PTPRM: variants seen among roughly 807,000 people sequenced by gnomAD.
PTPRM encodes receptor-type tyrosine-protein phosphatase mu.
A neutral mutation model predicts 186.7 loss-of-function variants in PTPRM; 47 were observed. The observed-to-expected ratio is 0.25, with a 90% CI of 0.20 to 0.32. The LOEUF is 0.32. Ranked by LOEUF, PTPRM falls within the 10% of genes least tolerant of loss-of-function variation. PTPRM has a pLI of 1.00. For synonymous variants in PTPRM, 668 were observed against 674.9 expected (o/e 0.99, Z 0.16); for missense variants, 1,494 against 1,865.0 (o/e 0.80, Z 3.66).
intron 4 of PTPRM, among the ~76,000 whole-genome samples, chr18:7,911,152 C>A (rs953756038): frequency 1.3e-5 from 2 of 152,180 alleles, no homozygotes; most frequent in Non-Finnish European, 2.9e-5. Context: ...CATGGATATA[C>A]CACATTTTAT....
chr18:7,711,491 C>T (rs2040212609), intron 1 of PTPRM, among the ~76,000 whole-genome samples: 1 of 152,152 alleles, frequency 6.6e-6, no homozygotes, highest in Non-Finnish European at 1.5e-5. Flanking sequence ...GAACCATTCA[C>T]TCCCCTGGAA....
chr18:8,300,081 A>C (rs969434971), intron 20 of PTPRM, among the ~76,000 whole-genome samples: 1 of 152,164 alleles, frequency 6.6e-6, no homozygotes, highest in Non-Finnish European at 1.5e-5. Context: ...TCTACCTCCT[A>C]CCACCATGAA....
chr18:7,965,440 T>G (rs2053970705), intron 7 of PTPRM, among the ~76,000 whole-genome samples: 1 of 152,150 alleles, frequency 6.6e-6, no homozygotes, highest in African/African-American at 2.4e-5. Flanking sequence ...GACATGTTTC[T>G]CTTTTGCTCA....
intron 2 of PTPRM, among the ~76,000 whole-genome samples, chr18:7,859,467 G>A (rs2047246668): frequency 1.3e-5 from 2 of 152,204 alleles, no homozygotes; most frequent in African/African-American, 2.4e-5. Flanking sequence ...CAACTCTGAT[G>A]TCACTTGTGA....
chr18:7,852,932 T>C (rs1476828573), intron 2 of PTPRM, among the ~76,000 whole-genome samples: 1 of 152,192 alleles, frequency 6.6e-6, no homozygotes, highest in African/African-American at 2.4e-5. Context: ...CTGACATAGC[T>C]GAACTAAACT....
At chr18:7,796,259 G>A (rs998322821) in intron 2 of PTPRM, among the ~76,000 whole-genome samples, 2 of 151,988 alleles carry the variant, frequency 1.3e-5, no homozygotes, top group African/African-American at 4.8e-5. Context: ...CCTGTGGATG[G>A]CAGGTGCCCC....
At chr18:7,690,315 TA>T (rs1461571846) in intron 1 of PTPRM, among the ~76,000 whole-genome samples, 1 of 152,238 alleles carries the variant, frequency 6.6e-6, no homozygotes, top group Non-Finnish European at 1.5e-5. Flanking sequence ...ATGGTTTTCT[TA>T]AAAGAAATTG....
chr18:7,616,244 C>T (rs1291327932), intron 1 of PTPRM, among the ~76,000 whole-genome samples: 27 of 152,100 alleles, frequency 1.8e-4, no homozygotes, highest in Non-Finnish European at 2.9e-5. Context: ...GCGGCCTTGA[C>T]CTCTTGGTCA....
In PTPRM at chr18:7,894,606, TA is replaced by T. The variant is rs1244303078; in HGVS notation, c.468+6230del. On this transcript the variant is annotated intron_variant, in intron 3 of 32. Transcript: ENST00000580170. ...GTCTCAGGAAAAATATATATATATA[TA>T]TATTTTTTAATATTTTTTTTCCAGT... Among the ~76,000 whole-genome samples the T allele has an allele frequency of 1.3e-3, 188 of 149,370 alleles. 1 individual carries two copies. The highest frequency in any genetic ancestry group is 1.6e-3 in the Non-Finnish European group (110 of 67,502).
At chr18:7,903,439 G>T (rs1375396819) in intron 3 of PTPRM, among the ~76,000 whole-genome samples, 1 of 152,200 alleles carries the variant, frequency 6.6e-6, no homozygotes, top group Non-Finnish European at 1.5e-5. Flanking sequence ...GCTGTTTCCT[G>T]GGAGGCAGGA....
chr18:7,915,698 G>T (rs953016238), intron 4 of PTPRM, among the ~76,000 whole-genome samples: 1 of 152,132 alleles, frequency 6.6e-6, no homozygotes, highest in African/African-American at 2.4e-5. Flanking sequence ...GAAGATTTAG[G>T]TTTAAGAATT....
intron 20 of PTPRM, among the ~76,000 whole-genome samples, chr18:8,303,661 C>T (rs1447318799): frequency 2.0e-5 from 3 of 152,158 alleles, no homozygotes. Context: ...AGAGCTCTGA[C>T]ACAGGGATTA....
intron 7 of PTPRM, among the ~76,000 whole-genome samples, chr18:7,976,162 C>T (rs985611469): frequency 2.3e-4 from 35 of 151,490 alleles, no homozygotes; most frequent in Non-Finnish European, 4.1e-4. Context: ...AGGGAGACTC[C>T]GTCTCAAAAA....
chr18:8,277,463 C>A (rs895721498), intron 19 of PTPRM, among the ~76,000 whole-genome samples: 11 of 152,200 alleles, frequency 7.2e-5, no homozygotes, highest in African/African-American at 2.7e-4. Context: ...AGCCAAAGGA[C>A]AGCAAAGTGT....
At chr18:8,204,638 G>C (rs1601199651) in intron 14 of PTPRM, among the ~76,000 whole-genome samples, 2 of 152,082 alleles carry the variant, frequency 1.3e-5, no homozygotes, top group Admixed American at 1.3e-4. Flanking sequence ...CATGTGCTAG[G>C]AGGGCCATTT....
At chr18:8,277,928 T>A (rs2094855216) in intron 19 of PTPRM, among the ~76,000 whole-genome samples, 1 of 152,168 alleles carries the variant, frequency 6.6e-6, no homozygotes, top group African/African-American at 2.4e-5. Flanking sequence ...TACACATGAG[T>A]AGGGAGAGAA....
intron 32 of PTPRM, among the ~76,000 whole-genome samples, chr18:8,396,902 TG>T (rs2095847809): frequency 6.6e-6 from 1 of 152,256 alleles, no homozygotes; most frequent in Non-Finnish European, 1.5e-5. Context: ...TGGTTTTGCC[TG>T]TAAATACGAC....
intron 7 of PTPRM, among the ~76,000 whole-genome samples, chr18:8,047,943 C>G (rs940985502): frequency 6.6e-6 from 1 of 152,150 alleles, no homozygotes; most frequent in African/African-American, 2.4e-5. Context: ...GACTACGGAA[C>G]AGATGATAGG....
In PTPRM at chr18:8,244,355, T is replaced by C. The variant is rs79078425; in HGVS notation, c.2452+146T>C. On this transcript the variant is annotated intron_variant, in intron 15 of 32. Coordinates refer to ENST00000580170, the MANE Select transcript of PTPRM (RefSeq NM_001105244.2). Reference sequence around the variant, plus strand: ...TTCTTCAGTCATTTTCAGTGATCCTTTGTGCCACAGGTTGCTTAGCAGAGA... The same window carrying C: ...TTCTTCAGTCATTTTCAGTGATCCTCTGTGCCACAGGTTGCTTAGCAGAGA... 4.0e-3 allele frequency: 3,278 copies of C among 819,306 alleles called. 71 individuals are homozygous for C. The African/African-American group carries it at 0.05, about 12-fold the overall frequency. The allele number at this position is 819,306 out of a possible 1,614,324, so 50.8% of individuals were successfully genotyped here.
Sources: gnomAD v4.1 joint callset for allele counts (sites outside exome capture counted in the v4.1 genomes callset) on GRCh38, gnomAD v4.1.1 for gene constraint, MANE v1.5 for transcripts, NCBI Gene and HGNC (gene_info 2026-07-23, HGNC 2026-07-21) for gene names.